RARB: variants seen among roughly 807,000 people sequenced by gnomAD.
The protein encoded by RARB is HBV-activated protein.
Under a neutral mutation model 51.9 loss-of-function variants are expected in RARB, and 17 were observed. The ratio of observed to expected loss-of-function variants is 0.33; its 90% CI spans 0.22 to 0.49. RARB has a LOEUF of 0.49. Ranked by LOEUF, RARB falls within the 20% of genes least tolerant of loss-of-function variation. The pLI, the probability that RARB is intolerant of heterozygous loss-of-function variation, is 0.99. For missense variants in RARB, 369 were observed against 550.8 expected, an observed-to-expected ratio of 0.67 and a Z score of 3.30; for synonymous variants, 215 against 195.4, an observed-to-expected ratio of 1.10 and a Z score of -0.84.
At chr3:25,055,638 T>C (rs1412406615) in intron 2 of RARB, among the ~76,000 whole-genome samples, 1 of 151,968 alleles carries the variant, frequency 6.6e-6, no homozygotes, top group Admixed American at 6.6e-5. Flanking sequence ...GGAAAAGTTA[T>C]TAGGAGGAAT....
At chr3:25,285,824 T>C (rs1169863365) in intron 5 of RARB, among the ~76,000 whole-genome samples, 1 of 152,186 alleles carries the variant, frequency 6.6e-6, no homozygotes, top group African/African-American at 2.4e-5. Flanking sequence ...ATGTTCCATT[T>C]TAGACAATTG....
intron 2 of RARB, among the ~76,000 whole-genome samples, chr3:24,861,878 G>A (rs1380880027): frequency 2.6e-5 from 4 of 152,168 alleles, no homozygotes; most frequent in Non-Finnish European, 1.5e-5. Flanking sequence ...GGACCACCAG[G>A]GCTCCCTGGA....
At chr3:24,881,010 A>G (rs374304327) in intron 2 of RARB, among the ~76,000 whole-genome samples, 30 of 152,308 alleles carry the variant, frequency 2.0e-4, no homozygotes, top group African/African-American at 7.0e-4. Flanking sequence ...GTGTCAAGGG[A>G]GGACCTTGTG....
chr3:24,938,372 G>C (rs927158039), intron 2 of RARB, among the ~76,000 whole-genome samples: 1 of 152,178 alleles, frequency 6.6e-6, no homozygotes. Context: ...TAGGATTTCT[G>C]AGAGCCATGT....
At chr3:25,154,050 C>G (rs1324579723) in intron 4 of RARB, among the ~76,000 whole-genome samples, 1 of 152,192 alleles carries the variant, frequency 6.6e-6, no homozygotes, top group African/African-American at 2.4e-5. Flanking sequence ...ATGCTTTTCA[C>G]TTTTATTATG....
chr3:24,912,013 A>G (rs967980259), intron 2 of RARB, among the ~76,000 whole-genome samples: 1 of 152,224 alleles, frequency 6.6e-6, no homozygotes, highest in African/African-American at 2.4e-5. Context: ...AATGATAAAA[A>G]AACATGAGCA....
chr3:25,005,529 C>G (rs1697250672), intron 2 of RARB, among the ~76,000 whole-genome samples: 1 of 152,092 alleles, frequency 6.6e-6, no homozygotes, highest in Non-Finnish European at 1.5e-5. Flanking sequence ...TGCATAAGTG[C>G]CCTCACAATG....
intron 2 of RARB, among the ~76,000 whole-genome samples, chr3:24,900,472 A>G (rs1252187155): frequency 6.6e-6 from 1 of 152,192 alleles, no homozygotes. Context: ...GGAAGTATGC[A>G]CATGAAGTAT....
intron 2 of RARB, among the ~76,000 whole-genome samples, chr3:24,916,549 T>C (rs183930869): frequency 1.7e-4 from 26 of 152,274 alleles, no homozygotes; most frequent in Non-Finnish European, 1.5e-5. Context: ...CTCTGATACC[T>C]GTGATGTCTG....
chr3:25,543,383 C>G (rs1007868932), intron 3 of RARB, among the ~76,000 whole-genome samples: 2 of 152,148 alleles, frequency 1.3e-5, no homozygotes, highest in African/African-American at 4.8e-5. Context: ...TTCCTACTCT[C>G]CTTGACATAC....
chr3:25,157,376 G>A (rs866456613), intron 4 of RARB, among the ~76,000 whole-genome samples: 14,428 of 120,980 alleles, frequency 0.12, 784 homozygotes, highest in Non-Finnish European at 0.15. Flanking sequence ...GTGTGTGTGT[G>A]TGTGTATATA....
In RARB at chr3:24,846,824, G is replaced by A. The variant is rs141104988; in HGVS notation, c.-458-11850G>A. Among the ~76,000 whole-genome samples the A allele has an allele frequency of 5.3e-4, 80 of 150,748 alleles. No homozygotes were observed. The Middle Eastern group carries it at 0.021, about 39-fold the overall frequency. ...ACTTGCTTATTAACAATTAATCTGT[G>A]TACCTGTGTGGCAATGAACTTCCAC... On this transcript the variant is annotated intron_variant, in intron 1 of 11. Coordinates refer to the RARB transcript ENST00000383772.
At position 25,012,833 on chromosome 3, in the gene RARB, A is replaced by G. The variant is rs191156583; in HGVS notation, c.-379-47292A>G. Among the ~76,000 whole-genome samples the G allele has an allele frequency of 3.2e-3, 486 of 152,268 alleles. 3 individuals carry two copies. Among genetic ancestry groups the G allele is most frequent in the African/African-American group, 0.011 (453 of 41,572 alleles). On this transcript the variant is annotated intron_variant, in intron 2 of 11. Transcript: ENST00000383772. ...CTTTATTGTATATAAACAATACGGT[A>G]GGCACAACTGAAAGACGGAAATAAT...
intron 2 of RARB, among the ~76,000 whole-genome samples, chr3:24,919,573 G>A (rs527759811): frequency 6.6e-6 from 1 of 152,042 alleles, no homozygotes; most frequent in African/African-American, 2.4e-5. Context: ...CCACGTGGCT[G>A]CACTGGAATC....
At chr3:25,150,916 G>T (rs1700277068) in intron 4 of RARB, among the ~76,000 whole-genome samples, 2 of 152,158 alleles carry the variant, frequency 1.3e-5, no homozygotes, top group South Asian at 2.1e-4. Flanking sequence ...TACCCAAAAG[G>T]AATTTCTTGT....
chr3:24,874,834 C>A (rs1486248813), intron 2 of RARB, among the ~76,000 whole-genome samples: 1 of 151,694 alleles, frequency 6.6e-6, no homozygotes, highest in Non-Finnish European at 1.5e-5. Context: ...TGTATATTTT[C>A]ATTTTTTGCC....
chr3:25,297,929 G>T (rs1254038197), intron 5 of RARB, among the ~76,000 whole-genome samples: 1 of 152,144 alleles, frequency 6.6e-6, no homozygotes, highest in Non-Finnish European at 1.5e-5. Context: ...TCACTTATGT[G>T]TGTGTGTATA....
intron 3 of RARB, among the ~76,000 whole-genome samples, chr3:25,557,137 T>TCA (rs55731301): frequency 0.045 from 6,471 of 145,320 alleles, 172 homozygotes; most frequent in African/African-American, 0.084. Context: ...GGCATTGCAT[T>TCA]CACACACACA....
chr3:25,177,703 A>G (rs1700783168), intron 5 of RARB, among the ~76,000 whole-genome samples: 2 of 152,172 alleles, frequency 1.3e-5, no homozygotes, highest in Non-Finnish European at 2.9e-5. Flanking sequence ...TGTCAGCTTT[A>G]TCTCCTAGAC....
Sources: gnomAD v4.1 joint callset for allele counts (sites outside exome capture counted in the v4.1 genomes callset) on GRCh38, gnomAD v4.1.1 for gene constraint, MANE v1.5 for transcripts, NCBI Gene and HGNC (gene_info 2026-07-23, HGNC 2026-07-21) for gene names.